OVCH1: variants seen among roughly 807,000 people sequenced by gnomAD.
OVCH1 encodes ovochymase 1.
Under a neutral mutation model 138.4 loss-of-function variants are expected in OVCH1, and 139 were observed. The ratio of observed to expected loss-of-function variants is 1.00; its 90% CI spans 0.87 to 1.16. The LOEUF is 1.16. OVCH1 is among the 50% of genes most tolerant of loss of function. The probability of loss-of-function intolerance (pLI) is 0.00; values close to 1 mark genes in which losing one functional copy is unlikely to be tolerated. For synonymous variants in OVCH1, 453 were observed against 467.8 expected (o/e 0.97, Z 0.41); for missense variants, 1,367 against 1,357.9 (o/e 1.01, Z -0.11).
intron 24 of OVCH1, among the ~76,000 whole-genome samples, chr12:29,443,704 T>G (rs1255200414): frequency 6.6e-6 from 1 of 152,100 alleles, no homozygotes; most frequent in Non-Finnish European, 1.5e-5. Flanking sequence ...TGCCAAAATT[T>G]ATAAAGTTCA....
chr12:29,425,420 T>C (rs1417164046), downstream of OVCH1, among the ~76,000 whole-genome samples: 1 of 152,188 alleles, frequency 6.6e-6, no homozygotes, highest in African/African-American at 2.4e-5. Flanking sequence ...CATATAATGC[T>C]CGCCTTGAAG....
chr12:29,487,883 C>CT lies in OVCH1; in HGVS notation c.703-2dup, dbSNP rs533295028. The CT allele has an allele frequency of 1.5e-4, 232 of 1,597,726 alleles. No individual in the cohort carries two copies. In the East Asian group the frequency reaches 4.1e-3, roughly 28 times the overall value. ...AAACCAGTGGTCCTCCAGAGTCCCC[C>CT]TTTCATGGTACAAAAAAAGAGAAAA... is the stretch of plus-strand genomic sequence containing the variant. On this transcript the variant is annotated splice_acceptor_variant, in intron 6 of 27. Transcript: ENST00000318184. LOFTEE classifies it high-confidence loss of function.
chr12:29,491,020 G>A, intron 5 of OVCH1, 77 bp downstream of exon 5: 1 of 1,235,578 alleles, frequency 8.1e-7, no homozygotes, highest in Admixed American at 1.9e-5. Context: ...ACTACTCATG[G>A]TCAACAAAAT....
At chr12:29,496,529 A>G (rs1592126835) in intron 2 of OVCH1, 27 bp downstream of exon 2, 7 of 1,516,838 alleles carry the variant, frequency 4.6e-6, no homozygotes, top group Admixed American at 1.8e-5. Flanking sequence ...TTTCTCATTA[A>G]GAAATCAATG....
chr12:29,470,364 C>T (rs1158231538), intron 16 of OVCH1, among the ~76,000 whole-genome samples: 2 of 152,120 alleles, frequency 1.3e-5, no homozygotes, highest in Admixed American at 1.3e-4. Flanking sequence ...GGTATTTGTC[C>T]TAATGCTCTC....
downstream of OVCH1, among the ~76,000 whole-genome samples, chr12:29,410,260 T>C (rs1317550247): frequency 6.9e-6 from 1 of 145,392 alleles, no homozygotes; most frequent in Non-Finnish European, 1.5e-5. Flanking sequence ...TGACTCTTTA[T>C]CCAATTTGCC....
intron 8 of OVCH1, 35 bp from the exon 10 acceptor site, chr12:29,479,003 T>C: frequency 1.3e-6 from 1 of 784,032 alleles, no homozygotes; most frequent in Non-Finnish European, 1.9e-6. Context: ...ATGTAATAAA[T>C]GGAAGAGTCA....
intron 3 of OVCH1, among the ~76,000 whole-genome samples, chr12:29,413,726 T>C (rs11050225): frequency 0.56 from 85,453 of 151,814 alleles, 26,110 homozygotes; most frequent in Middle Eastern, 0.78. Context: ...TATTTTGATT[T>C]AGACGTTTAC....
chr12:29,449,698 A>G (rs1034908799), intron 22 of OVCH1, among the ~76,000 whole-genome samples: 3 of 152,206 alleles, frequency 2.0e-5, no homozygotes, highest in African/African-American at 7.2e-5. Context: ...ATAAGCCTGT[A>G]TAGCCAAGAC....
exon 1 of OVCH1, chr12:29,497,640 C>G: frequency 6.2e-7 from 1 of 1,613,962 alleles, no homozygotes; most frequent in Non-Finnish European, 8.5e-7. Context: ...TCTGGGGTGG[C>G]CGATGACCAG....
chr12:29,409,425 G>T (rs926949827), downstream of OVCH1, among the ~76,000 whole-genome samples: 1 of 151,820 alleles, frequency 6.6e-6, no homozygotes, highest in Non-Finnish European at 1.5e-5. Flanking sequence ...GATCTTTCCT[G>T]CTTTCTCTTG....
chr12:29,429,322 C>G (rs1941230579), intron 27 of OVCH1, among the ~76,000 whole-genome samples: 1 of 152,142 alleles, frequency 6.6e-6, no homozygotes, highest in Non-Finnish European at 1.5e-5. Flanking sequence ...AAAGTCAAGA[C>G]AAGCCAGGAT....
At chr12:29,489,689 C>A in exon 6 of OVCH1, 1 of 1,610,118 alleles carries the variant, frequency 6.2e-7, no homozygotes, top group East Asian at 2.2e-5. Flanking sequence ...GAGGGAGGTT[C>A]ATGCTCTTGA....
At chr12:29,479,781 T>G (rs1370853420) in intron 8 of OVCH1, among the ~76,000 whole-genome samples, 1 of 147,144 alleles carries the variant, frequency 6.8e-6, no homozygotes, top group East Asian at 1.9e-4. Flanking sequence ...ACACTAATAA[T>G]TTTTTTTTTA....
At chr12:29,466,767 C>T (rs1031241434) in intron 16 of OVCH1, among the ~76,000 whole-genome samples, 11 of 152,118 alleles carry the variant, frequency 7.2e-5, no homozygotes, top group East Asian at 1.9e-4. Context: ...ATTAATTTCT[C>T]GTATCAAGAT....
intron 3 of OVCH1, among the ~76,000 whole-genome samples, chr12:29,420,235 T>C (rs1273774493): frequency 1.3e-5 from 2 of 152,180 alleles, no homozygotes; most frequent in East Asian, 3.9e-4. Flanking sequence ...AAATTTTCTT[T>C]CCAAGAGCAT....
intron 26 of OVCH1, among the ~76,000 whole-genome samples, chr12:29,434,716 C>CA (rs34624096): frequency 0.3 from 45,063 of 151,144 alleles, 8,003 homozygotes; most frequent in Middle Eastern, 0.49. Context: ...TCCCCAACAA[C>CA]AAAAAAAAAC....
At chr12:29,404,646 G>C in the OVCH1 span, among the ~76,000 whole-genome samples, 1 of 151,800 alleles carries the variant, frequency 6.6e-6, no homozygotes, top group East Asian at 1.9e-4. Flanking sequence ...ATGGTTTTCA[G>C]TGACATGAAA....
intron 4 of OVCH1, among the ~76,000 whole-genome samples, chr12:29,493,334 A>G (rs1323915734): frequency 6.6e-6 from 1 of 152,076 alleles, no homozygotes; most frequent in Non-Finnish European, 1.5e-5. Flanking sequence ...TTTGGGATCC[A>G]TTCTTTTAGT....
Sources: allele counts gnomAD v4.1 joint callset (sites outside exome capture counted in the v4.1 genomes callset), GRCh38; gene constraint gnomAD v4.1.1; transcripts MANE v1.5; gene names NCBI Gene and HGNC (gene_info 2026-07-23, HGNC 2026-07-21).